FAM133B: variants seen among roughly 807,000 people sequenced by gnomAD.
FAM133B encodes protein FAM133B.
Under a neutral mutation model 46.4 loss-of-function variants are expected in FAM133B, and 25 were observed. The observed-to-expected ratio is 0.54, with a 90% confidence interval of 0.39 to 0.75. The LOEUF is 0.75. Among genes scored for constraint, FAM133B ranks in the 30% least tolerant of loss-of-function variants. FAM133B has a pLI of 0.00. For synonymous variants in FAM133B, 75 were observed against 86.0 expected (o/e 0.87, Z 0.71); for missense variants, 205 against 277.6 (o/e 0.74, Z 1.86).
Position 92,569,911 on chromosome 7 carries a change from A to C in FAM133B, c.521T>G (p.Ile174Ser). The change falls in exon 9 of 11, where the codon ATT (isoleucine) becomes AGT (serine). Residue 174 changes from isoleucine to serine, a missense_variant. Coordinates refer to ENST00000445716, the MANE Select transcript of FAM133B (RefSeq NM_152789.4). ...SKDGTEKEKD[I>S]KGLSKKRKMY... ...CTTTCTCTTTTTGCTGAGTCCTTTA[A>C]TATCCTATGAAAAATAAATACATTT... 7.5e-7 allele frequency: 1 copy of C among 1,336,922 alleles called. No individual in the cohort carries two copies. The highest frequency in any genetic ancestry group is 9.8e-7 in the Non-Finnish European group (1 of 1,019,694). 82.8% of individuals were successfully genotyped at this position (1,336,922 alleles called of 1,614,324 possible). A position where few individuals can be genotyped will look rare whatever the true frequency, so the allele number is the denominator to read the frequency against.
chr7:92,583,395 C>CA (rs1181441392), intron 1 of FAM133B, among the ~76,000 whole-genome samples: 2 of 152,112 alleles, frequency 1.3e-5, no homozygotes, highest in African/African-American at 4.8e-5. Context: ...GATGGTTGCA[C>CA]AACACTATGA....
intron 8 of FAM133B, among the ~76,000 whole-genome samples, chr7:92,573,253 CA>C (rs1042100015): frequency 2.7e-5 from 4 of 150,494 alleles, no homozygotes; most frequent in African/African-American, 9.8e-5. Context: ...CTGTAACCTC[CA>C]ATTTCTGGGC....
Position 92,579,178 on chromosome 7 carries a change from G to C in FAM133B, c.201+139C>G. ...TTTAATGGAGACAAGGGCGGCGGGG[G>C]GGGGCCTTACTTTGTTGCCCAGGCT... On this transcript the variant is annotated intron_variant, in intron 3 of 10. Transcript: ENST00000445716. 9.1e-6 allele frequency: 6 copies of C among 656,974 alleles called. No individual in the cohort carries two copies. The South Asian group carries it at 1.1e-4, about 12-fold the overall frequency. The allele number at this position is 656,974 out of a possible 1,614,324, so 40.7% of individuals were successfully genotyped here.
chr7:92,571,679 C>T (rs1486046896), intron 8 of FAM133B, among the ~76,000 whole-genome samples: 1 of 152,078 alleles, frequency 6.6e-6, no homozygotes, highest in East Asian at 1.9e-4. Context: ...CAAGAAATGC[C>T]ATCTTTATCA....
At chr7:92,589,375 T>C (rs1394910254) in intron 1 of FAM133B, among the ~76,000 whole-genome samples, 1 of 152,252 alleles carries the variant, frequency 6.6e-6, no homozygotes, top group Admixed American at 6.5e-5. Flanking sequence ...GCCTTTAGAA[T>C]CTCTAACAAC....
chr7:92,566,205 C>T (rs1271729217), intron 9 of FAM133B, 144 bp from the exon 10 acceptor site: 1 of 704,702 alleles, frequency 1.4e-6, no homozygotes, highest in Non-Finnish European at 2.4e-6. Context: ...AAAATAACTC[C>T]TGTTATATCT....
chr7:92,567,506 A>G (rs1310106696), intron 9 of FAM133B, among the ~76,000 whole-genome samples: 1 of 152,234 alleles, frequency 6.6e-6, no homozygotes, highest in Non-Finnish European at 1.5e-5. Flanking sequence ...TAACACATTA[A>G]GCACTAGAGA....
intron 6 of FAM133B, 72 bp downstream of exon 6, chr7:92,577,583 A>G (rs1794738547): frequency 7.8e-7 from 1 of 1,279,138 alleles, no homozygotes; most frequent in East Asian, 2.6e-5. Context: ...CAGATATTTC[A>G]CAATGGGTTT....
rs771260417 is a variant in FAM133B at position 92,579,357 on chromosome 7, C to A, written c.161G>T (p.Gly54Val). The A allele has an allele frequency of 5.6e-6, 9 of 1,609,690 alleles. No homozygotes were observed. Among genetic ancestry groups the A allele is most frequent in the Non-Finnish European group, 7.6e-6 (9 of 1,178,852 alleles). The change falls in exon 3 of 11, where the codon GGC (glycine) becomes GTC (valine). Residue 54 changes from glycine (G) to valine (V), a missense_variant. Transcript: ENST00000445716. Reference protein sequence around the residue: ...VKEQLEKKKKGSKALAEFEEK... With the variant: ...VKEQLEKKKKVSKALAEFEEK... ...TTCAAATTCAGCCAAAGCCTTGGAGCCTTTCTTTTTCTTTTCTAGTTGCTC... is the reference window on the plus strand; with the variant it reads ...TTCAAATTCAGCCAAAGCCTTGGAGACTTTCTTTTTCTTTTCTAGTTGCTC...
At chr7:92,581,792 A>C in intron 1 of FAM133B, 189 bp from the exon 2 acceptor site, 1 of 491,290 alleles carries the variant, frequency 2.0e-6, no homozygotes, top group Admixed American at 3.6e-5. Context: ...TTTGGGAGAA[A>C]ATTGTGTGTG....
At position 92,584,003 on chromosome 7, in the gene FAM133B, T is replaced by C. The variant is rs1008217365; in HGVS notation, c.25-2400A>G. 2.1e-5 allele frequency among the ~76,000 whole-genome samples: 3 copies of C among 144,342 alleles called. No homozygotes were observed. The East Asian group carries it at 6.1e-4, about 29-fold the overall frequency. 94.7% of individuals were successfully genotyped at this position (144,342 alleles called of 152,430 possible). The stretch of plus-strand genomic sequence containing the variant: ...AGGCAGAGGTTGCAGTGAGCTGAGA[T>C]TGTGCCACTTCACTCCAGCCTGGGC... On this transcript the variant is annotated intron_variant, in intron 1 of 10. Coordinates refer to ENST00000445716, the MANE Select transcript of FAM133B (RefSeq NM_152789.4).
intron 9 of FAM133B, among the ~76,000 whole-genome samples, chr7:92,568,523 A>C (rs1440454964): frequency 7.4e-6 from 1 of 135,564 alleles, no homozygotes; most frequent in Non-Finnish European, 1.5e-5. Flanking sequence ...ACGCCTGGCT[A>C]ATTTTTTTTT....
intron 1 of FAM133B, among the ~76,000 whole-genome samples, chr7:92,582,488 A>T (rs1794916157): frequency 6.6e-6 from 1 of 152,214 alleles, no homozygotes; most frequent in South Asian, 2.1e-4. Context: ...AGAAAAAAAT[A>T]AACAGAACAT....
intron 6 of FAM133B, 125 bp from the exon 7 acceptor site, chr7:92,577,320 T>TTAA: frequency 1.8e-6 from 1 of 545,496 alleles, no homozygotes; most frequent in Non-Finnish European, 3.0e-6. Flanking sequence ...TATTTTTTTC[T>TTAA]TAATACTTAA....
rs767900959 is a variant in FAM133B, at chr7:92,578,361, C to T, written c.234G>A (p.Glu78=). The T allele has an allele frequency of 3.7e-6, 6 of 1,613,564 alleles. No homozygotes were observed. In the South Asian group the frequency reaches 4.4e-5, roughly 12 times the overall value. ...AGCTCTCACTTCCACTTAACAATTT[C>T]TCCCTGTGTTTTTCCAGTTCTTTCT... ...NWKKELEKHR[E]KLLSGSESSS... is the part of the protein sequence containing the mutation. The change falls in exon 4 of 11, where the codon GAG becomes GAA. Residue 78 remains glutamate, a synonymous_variant. Transcript: ENST00000445716.
chr7:92,569,035 G>C (rs1585299790), intron 9 of FAM133B, among the ~76,000 whole-genome samples: 1 of 152,144 alleles, frequency 6.6e-6, no homozygotes, highest in East Asian at 1.9e-4. Flanking sequence ...AGTAGACAGA[G>C]ATAGAGCTGG....
At chr7:92,577,600 G>A in intron 6 of FAM133B, 55 bp downstream of exon 6, 3 of 1,404,416 alleles carry the variant, frequency 2.1e-6, no homozygotes, top group Non-Finnish European at 2.9e-6. Flanking sequence ...GTTTCCACTT[G>A]ACATTAAAGA....
At chr7:92,575,905 T>A in intron 7 of FAM133B, 84 bp from the exon 8 acceptor site, 1 of 562,886 alleles carries the variant, frequency 1.8e-6, no homozygotes, top group Non-Finnish European at 3.1e-6. Context: ...AAAAAGTGAT[T>A]TGCTCTATGA....
intron 6 of FAM133B, 148 bp from the exon 7 acceptor site, chr7:92,577,343 C>T (rs1422758196): frequency 2.0e-6 from 1 of 495,354 alleles, no homozygotes. Flanking sequence ...CATCACTTTC[C>T]TGTTATAAAG....
Sources: gnomAD v4.1 joint callset for allele counts (sites outside exome capture counted in the v4.1 genomes callset) on GRCh38, gnomAD v4.1.1 for gene constraint, MANE v1.5 for transcripts, NCBI Gene and HGNC (gene_info 2026-07-23, HGNC 2026-07-21) for gene names.